GATB: variants seen among roughly 807,000 people sequenced by gnomAD.
GATB encodes glutamyl-tRNA amidotransferase subunit B.
In GATB, 39 loss-of-function variants were observed where a neutral mutation model predicts 62.3. The observed-to-expected ratio is 0.63, with a 90% confidence interval of 0.48 to 0.82. GATB has a LOEUF of 0.82. GATB is among the 40% of genes least tolerant of loss of function. GATB has a pLI of 0.00. For synonymous variants in GATB, 276 were observed against 258.9 expected, an observed-to-expected ratio of 1.07 and a Z score of -0.63; for missense variants, 670 against 684.0, an observed-to-expected ratio of 0.98 and a Z score of 0.23.
At chr4:151,732,054 TGG>T (rs370880235) in intron 2 of GATB, among the ~76,000 whole-genome samples, 1 of 79,558 alleles carries the variant, frequency 1.3e-5, no homozygotes, top group East Asian at 3.9e-4. Flanking sequence ...GGGAGGGAGG[TGG>T]GGGGGTCAGC....
At chr4:151,732,003 G>A (rs1317326618) in intron 2 of GATB, among the ~76,000 whole-genome samples, 1 of 145,956 alleles carries the variant, frequency 6.9e-6, no homozygotes, top group Non-Finnish European at 1.5e-5. Context: ...GTCCGGGAGG[G>A]AGGTGGGGGG....
In GATB at chr4:151,705,287, AT is replaced by A; in HGVS notation, c.878-19del. On this transcript the variant is annotated intron_variant, in intron 6 of 12. Coordinates refer to ENST00000263985, the MANE Select transcript of GATB (RefSeq NM_004564.3). Reference sequence around the variant, plus strand: ...TTCATAGTCTAGGAAAAACACACTAATTTAGCATCATATTTTGATTATACCT... The same window carrying A: ...TTCATAGTCTAGGAAAAACACACTAATTAGCATCATATTTTGATTATACCT... 1 of 1,495,226 alleles carries A rather than the reference AT, an allele frequency of 6.7e-7. No individual in the cohort carries two copies. The highest frequency in any genetic ancestry group is 9.3e-7 in the Non-Finnish European group (1 of 1,072,080). 92.6% of individuals were successfully genotyped at this position (1,495,226 alleles called of 1,614,324 possible).
chr4:151,676,877 G>A (rs1333140663), intron 11 of GATB, among the ~76,000 whole-genome samples: 4 of 152,204 alleles, frequency 2.6e-5, no homozygotes, highest in African/African-American at 9.7e-5. Flanking sequence ...GGAGGAGGGT[G>A]CAGTGAAAGG....
chr4:151,737,648 C>G (rs770836866), intron 2 of GATB, among the ~76,000 whole-genome samples: 1 of 152,214 alleles, frequency 6.6e-6, no homozygotes, highest in Non-Finnish European at 1.5e-5. Context: ...CCTCTCATCA[C>G]AGGCCTGGAG....
intron 2 of GATB, among the ~76,000 whole-genome samples, chr4:151,746,868 T>C (rs1413130106): frequency 6.6e-6 from 1 of 152,052 alleles, no homozygotes; most frequent in African/African-American, 2.4e-5. Flanking sequence ...CATTTATATA[T>C]ACATATAAAT....
rs145895263 is a variant in GATB at position 151,716,504 on chromosome 4, C to T, written c.640+372G>A. The stretch of plus-strand genomic sequence containing the variant: ...TTGCCCAGCCTGATCTCAAACTCTG[C>T]GTACAGTGATCCTCCCACAGCCTCC... On this transcript the variant is annotated intron_variant, in intron 4 of 12. Coordinates refer to ENST00000263985, the MANE Select transcript of GATB (RefSeq NM_004564.3). 2.0e-3 allele frequency among the ~76,000 whole-genome samples: 306 copies of T among 152,166 alleles called. 1 individual carries two copies. Among genetic ancestry groups the T allele is most frequent in the African/African-American group, 7.0e-3 (289 of 41,512 alleles).
At position 151,708,088 on chromosome 4, in the gene GATB, T is replaced by C. The variant is rs1157608611; in HGVS notation, c.777A>G (p.Arg259=). 6.2e-7 allele frequency: 1 copy of C among 1,612,180 alleles called. No homozygotes were observed. The change falls in exon 6 of 13, where the codon AGA becomes AGG. Residue 259 remains arginine, a synonymous_variant. Transcript: ENST00000263985. ...SQANMAEGQL[R]VDANISVHHP... is the part of the protein sequence containing the mutation. Reference sequence around the variant, plus strand: ...GATGCACGGATATATTGGCATCCACTCTCAACTGGCCCTCTGGAAGGAGAG... The same window carrying C: ...GATGCACGGATATATTGGCATCCACCCTCAACTGGCCCTCTGGAAGGAGAG...
Position 151,688,716 on chromosome 4 carries a change from A to T in GATB, c.1245T>A (p.Thr415=). The stretch of plus-strand genomic sequence containing the variant: ...TAGTCACCTTTTTTGGCTCTGCCCT[A>T]GTTTCTTTTATCACATTTTGGAAGA... ...LEFFQNVIKE[T]RAEPKKVTSW... is the part of the protein sequence containing the mutation. Residue 415 remains threonine, a synonymous_variant, in exon 10 of 13, where the codon ACT becomes ACA. Transcript: ENST00000263985. 1 of 1,612,418 alleles carries T rather than the reference A, an allele frequency of 6.2e-7. No homozygotes were observed. The highest frequency in any genetic ancestry group is 1.1e-5 in the South Asian group (1 of 90,572).
chr4:151,695,811 G>A (rs1738456944), intron 9 of GATB, among the ~76,000 whole-genome samples: 1 of 152,056 alleles, frequency 6.6e-6, no homozygotes, highest in Non-Finnish European at 1.5e-5. Flanking sequence ...AGGCTGGACT[G>A]CAGTGGCACG....
chr4:151,751,553 T>C (rs1739721420), intron 2 of GATB, among the ~76,000 whole-genome samples: 1 of 152,232 alleles, frequency 6.6e-6, no homozygotes, highest in South Asian at 2.1e-4. Flanking sequence ...TAGGTTACTT[T>C]TTTCTTGCTT....
At chr4:151,742,111 C>T (rs1466410289) in intron 2 of GATB, among the ~76,000 whole-genome samples, 25 of 136,246 alleles carry the variant, frequency 1.8e-4, no homozygotes, top group Admixed American at 1.6e-3. Flanking sequence ...TTTTTTGAGA[C>T]GGAGTCTTGC....
intron 2 of GATB, among the ~76,000 whole-genome samples, chr4:151,731,895 GCCCCATCCGGGAGGGAGGTGGGGGTCAGC>G (rs1739264341): frequency 6.6e-6 from 1 of 150,842 alleles, no homozygotes; most frequent in South Asian, 2.1e-4. Flanking sequence ...CCCAGCAGCC[GCCCCATCCGGGAGGGAGGTGGGGGTCAGC>G]CCCCGCCGGG....
chr4:151,717,892 A>G (rs892571485), intron 3 of GATB, among the ~76,000 whole-genome samples: 1 of 152,212 alleles, frequency 6.6e-6, no homozygotes. Flanking sequence ...TTAATTCCAC[A>G]ACAACCCTAG....
chr4:151,672,806 G>T lies in GATB; in HGVS notation c.1501C>A (p.Leu501Met). The T allele has an allele frequency of 6.2e-7, 1 of 1,614,202 alleles. No individual in the cohort carries two copies. The highest frequency in any genetic ancestry group is 8.5e-7 in the Non-Finnish European group (1 of 1,180,018). Residue 501 changes from leucine (L) to methionine (M), a missense_variant, in exon 12 of 13, where the codon CTG becomes ATG. Coordinates refer to ENST00000263985, the MANE Select transcript of GATB (RefSeq NM_004564.3). ...QLELMQDQGA[L>M]EQLCHSVMEA... ...ATCACAGAGTGGCAGAGCTGCTCCA[G>T]TGCCCCCTGGTCCTGCATCAGTTCA...
rs1738530328 is a variant in GATB at position 151,698,335 on chromosome 4, T to TA, written c.1197+2993dup. ...TGCACGATAAAATGACAAGATAAAT[T>TA]AAAGACTAGAGTTAAATTCTGAAGT... is the stretch of plus-strand genomic sequence containing the variant. On this transcript the variant is annotated intron_variant, in intron 9 of 12. Coordinates refer to ENST00000263985, the MANE Select transcript of GATB (RefSeq NM_004564.3). Among the ~76,000 whole-genome samples, 3 of 152,204 alleles carry TA rather than the reference T, an allele frequency of 2.0e-5. No individual in the cohort carries two copies. In the South Asian group the frequency reaches 6.2e-4, roughly 32 times the overall value.
At chr4:151,740,263 T>C (rs1220112231) in intron 2 of GATB, among the ~76,000 whole-genome samples, 1 of 152,214 alleles carries the variant, frequency 6.6e-6, no homozygotes, top group East Asian at 1.9e-4. Context: ...AATGGAGATA[T>C]GTTCTGAGAA....
rs373785027 is a variant in GATB at position 151,719,437 on chromosome 4, A to G, written c.429T>C (p.Tyr143=). The G allele has an allele frequency of 1.4e-5, 23 of 1,610,890 alleles. No individual in the cohort carries two copies. Among genetic ancestry groups the G allele is most frequent in the Non-Finnish European group, 2.0e-5 (23 of 1,177,766 alleles). ...AAAGTGTACTTACAGGGAGGTCTGC[A>G]TAGAAGTAGTGCTTCCTGTCAAACA... ...KSLFDRKHYF[Y]ADLPAGYQIT... Residue 143 remains tyrosine, a synonymous_variant, in exon 3 of 13, where the codon TAT becomes TAC. Coordinates refer to ENST00000263985, the MANE Select transcript of GATB (RefSeq NM_004564.3).
At chr4:151,741,619 TGCTGAGTCAGGGA>T (rs1055498464) in intron 2 of GATB, among the ~76,000 whole-genome samples, 1 of 152,168 alleles carries the variant, frequency 6.6e-6, no homozygotes, top group African/African-American at 2.4e-5. Flanking sequence ...TAAGAAACAC[TGCTGAGTCAGGGA>T]GATGCTCTGC....
At chr4:151,708,537 C>T (rs1303355521) in intron 5 of GATB, among the ~76,000 whole-genome samples, 2 of 152,152 alleles carry the variant, frequency 1.3e-5, no homozygotes, top group African/African-American at 4.8e-5. Context: ...CCCTACACTG[C>T]TCTCCATTGG....
Sources: allele counts gnomAD v4.1 joint callset (sites outside exome capture counted in the v4.1 genomes callset), GRCh38; gene constraint gnomAD v4.1.1; transcripts MANE v1.5; gene names NCBI Gene and HGNC (gene_info 2026-07-23, HGNC 2026-07-21).